MRE11: variants seen among roughly 807,000 people sequenced by gnomAD.
The protein encoded by MRE11 is MRE11 double strand break repair nuclease.
In MRE11, 62 loss-of-function variants were observed where a neutral mutation model predicts 91.7. The ratio of observed to expected loss-of-function variants is 0.68; its 90% CI spans 0.55 to 0.84. The LOEUF (loss-of-function observed/expected upper bound fraction) is 0.84, where lower values mean the gene tolerates loss of function less well. MRE11 is among the 40% of genes least tolerant of loss of function. MRE11 has a pLI of 0.00. For synonymous variants in MRE11, 273 were observed against 271.4 expected (o/e 1.01, Z -0.06); for missense variants, 796 against 852.9 (o/e 0.93, Z 0.83).
intron 16 of MRE11, among the ~76,000 whole-genome samples, chr11:94,440,794 C>T (rs1945759541): frequency 6.6e-6 from 1 of 152,162 alleles, no homozygotes. Context: ...TCCTTTCCCC[C>T]ACTTTCTACT....
chr11:94,445,775 G>T (rs1380912328), intron 16 of MRE11, 35 bp downstream of exon 16: 1 of 1,491,676 alleles, frequency 6.7e-7, no homozygotes, highest in Non-Finnish European at 9.4e-7. Context: ...TCTAATGTTG[G>T]AATTTATAAA....
chr11:94,484,027 A>T (rs1252438142), intron 4 of MRE11, among the ~76,000 whole-genome samples: 2 of 152,170 alleles, frequency 1.3e-5, no homozygotes, highest in Non-Finnish European at 2.9e-5. Flanking sequence ...TCCAAAAGGA[A>T]CCAGGGTTCC....
the MRE11 span, among the ~76,000 whole-genome samples, chr11:94,509,505 C>T: frequency 5.1e-3 from 772 of 152,062 alleles, 6 homozygotes; most frequent in African/African-American, 0.017. Flanking sequence ...TGCAGTGATG[C>T]GATCTCAGCT....
At chr11:94,501,647 C>T in the MRE11 span, among the ~76,000 whole-genome samples, 1 of 151,928 alleles carries the variant, frequency 6.6e-6, no homozygotes, top group African/African-American at 2.4e-5. Context: ...CACAGATCTA[C>T]ATGCCTGAAA....
In MRE11 at chr11:94,486,102, G is replaced by T; in HGVS notation, c.154-18C>A. ...AAATCCACCTGATCAACAGAAAAAGGTGTTAAAATTAGTATGTTTTACAGG... is the reference window on the plus strand; with the variant it reads ...AAATCCACCTGATCAACAGAAAAAGTTGTTAAAATTAGTATGTTTTACAGG... On this transcript the variant is annotated intron_variant, in intron 3 of 19. Coordinates refer to ENST00000323929, the MANE Select transcript of MRE11 (RefSeq NM_005591.4). The T allele has an allele frequency of 6.2e-7, 1 of 1,612,900 alleles. No individual in the cohort carries two copies.
chr11:94,470,575 G>C lies in MRE11; in HGVS notation c.913C>G (p.Arg305Gly). 1.2e-6 allele frequency: 2 copies of C among 1,613,152 alleles called. No homozygotes were observed. Among genetic ancestry groups the C allele is most frequent in the African/African-American group, 2.7e-5 (2 of 74,974 alleles). ...ACAATATCCTCCATGAAAAACTGCCGCACTGTGTGAAGAGGAATTTTATGC... is the reference window on the plus strand; with the variant it reads ...ACAATATCCTCCATGAAAAACTGCCCCACTGTGTGAAGAGGAATTTTATGC... ...NMHKIPLHTV[R>G]QFFMEDIVLA... The change falls in exon 9 of 20, where the codon CGG becomes GGG. Residue 305 changes from arginine to glycine, a missense_variant. Physicochemically the swap from Arg to Gly is moderately radical, Grantham distance 125. Coordinates refer to ENST00000323929, the MANE Select transcript of MRE11 (RefSeq NM_005591.4).
At chr11:94,420,347 T>A (rs1025155726) in intron 19 of MRE11, among the ~76,000 whole-genome samples, 166 bp from the exon 20 acceptor site, 3 of 152,212 alleles carry the variant, frequency 2.0e-5, no homozygotes, top group African/African-American at 4.8e-5. Flanking sequence ...ACAATTAAAT[T>A]CTTAATGAGC....
At chr11:94,483,449 C>T (rs1187206813) in intron 4 of MRE11, among the ~76,000 whole-genome samples, 1 of 152,140 alleles carries the variant, frequency 6.6e-6, no homozygotes, top group Non-Finnish European at 1.5e-5. Context: ...GGGGGCAGGC[C>T]TTTCCTGTGC....
intron 1 of MRE11, 68 bp from the exon 2 acceptor site, chr11:94,492,974 A>G: frequency 1.5e-6 from 1 of 653,010 alleles, no homozygotes; most frequent in Non-Finnish European, 2.7e-6. Flanking sequence ...AACATGATTT[A>G]CGCTGCACAA....
At chr11:94,489,324 T>C (rs1054878321) in intron 3 of MRE11, among the ~76,000 whole-genome samples, 1 of 151,210 alleles carries the variant, frequency 6.6e-6, no homozygotes, top group Admixed American at 6.6e-5. Flanking sequence ...CCGGTGTGGA[T>C]GTAGCACTGT....
chr11:94,454,361 A>G (rs1946194635), intron 14 of MRE11, among the ~76,000 whole-genome samples: 7 of 152,124 alleles, frequency 4.6e-5, no homozygotes, highest in Admixed American at 3.9e-4. Context: ...GGTAAGTCAC[A>G]ATGCCCAGCC....
At chr11:94,504,016 AAC>A in the MRE11 span, among the ~76,000 whole-genome samples, 2 of 152,166 alleles carry the variant, frequency 1.3e-5, no homozygotes, top group African/African-American at 4.8e-5. Context: ...ATGGTGCTGG[AAC>A]AACTGAATAT....
Position 94,420,195 on chromosome 11 carries a change from C to G in MRE11, c.2071-14G>C. The G allele has an allele frequency of 6.3e-7, 1 of 1,581,912 alleles. No homozygotes were observed. On this transcript the variant is annotated splice_polypyrimidine_tract_variant and intron_variant, in intron 19 of 19. Coordinates refer to ENST00000323929, the MANE Select transcript of MRE11 (RefSeq NM_005591.4). ...ATCATCATCATCCTGAAATGAGATA[C>G]AAATGTTGTATTAGTGATTGTTCCC... is the stretch of plus-strand genomic sequence containing the variant.
chr11:94,423,248 T>C (rs557340891), intron 19 of MRE11, among the ~76,000 whole-genome samples: 12 of 152,150 alleles, frequency 7.9e-5, no homozygotes, highest in Non-Finnish European at 1.6e-4. Context: ...GGGCTGGTTC[T>C]TGGCCTTGAA....
chr11:94,452,250 TG>T (rs953836470), intron 14 of MRE11, among the ~76,000 whole-genome samples: 3 of 150,038 alleles, frequency 2.0e-5, no homozygotes, highest in Admixed American at 2.0e-4. Flanking sequence ...AGAGAAAATG[TG>T]GCCAAACAAA....
At position 94,464,136 on chromosome 11, in the gene MRE11, T is replaced by G. The variant is rs146779325; in HGVS notation, c.1202A>C (p.His401Pro). The change falls in exon 11 of 20, where the codon CAT becomes CCT. Residue 401 changes from histidine (H) to proline (P), a missense_variant. Physicochemically the swap from His to Pro is moderately conservative, Grantham distance 77. Coordinates refer to ENST00000323929, the MANE Select transcript of MRE11 (RefSeq NM_005591.4). ...NPKDIIHFFR[H>P]REQKEKTGEE... ...ACCTGTTTTTTCCTTTTGTTCTCTA[T>G]GCCTGAAAAAATGGATAATGTCTTT... is the stretch of plus-strand genomic sequence containing the variant. 1 of 1,613,676 alleles carries G rather than the reference T, an allele frequency of 6.2e-7. No individual in the cohort carries two copies. The highest frequency in any genetic ancestry group is 8.5e-7 in the Non-Finnish European group (1 of 1,179,898).
At chr11:94,481,167 T>C (rs188765611) in intron 4 of MRE11, among the ~76,000 whole-genome samples, 2 of 151,854 alleles carry the variant, frequency 1.3e-5, no homozygotes, top group Non-Finnish European at 2.9e-5. Flanking sequence ...AAATTAGCCG[T>C]GCATGGTGGC....
At chr11:94,479,019 C>T in intron 5 of MRE11, 143 bp from the exon 6 acceptor site, 1 of 879,320 alleles carries the variant, frequency 1.1e-6, no homozygotes, top group Non-Finnish European at 1.8e-6. Context: ...AACAAAATTA[C>T]AATAGTAAAA....
At chr11:94,459,057 A>G (rs1946342749) in intron 13 of MRE11, among the ~76,000 whole-genome samples, 1 of 152,194 alleles carries the variant, frequency 6.6e-6, no homozygotes, top group Admixed American at 6.5e-5. Context: ...CTTGCTTAGC[A>G]GAAATTTTCT....
Sources: gnomAD v4.1 joint callset for allele counts (sites outside exome capture counted in the v4.1 genomes callset) on GRCh38, gnomAD v4.1.1 for gene constraint, MANE v1.5 for transcripts, NCBI Gene and HGNC (gene_info 2026-07-23, HGNC 2026-07-21) for gene names.